Variants in CLNK observed in about 807,000 individuals in gnomAD.
CLNK encodes the protein cytokine dependent hematopoietic cell linker.
Under a neutral mutation model 68.6 loss-of-function variants are expected in CLNK, and 74 were observed. The ratio of observed to expected loss-of-function variants is 1.08; its 90% CI spans 0.89 to 1.31. CLNK has a LOEUF of 1.31. Among genes scored for constraint, CLNK ranks in the 50% most tolerant of loss-of-function variants. The probability of loss-of-function intolerance (pLI) is 0.00; values close to 1 mark genes in which losing one functional copy is unlikely to be tolerated. For synonymous variants in CLNK, 198 were observed against 172.2 expected (o/e 1.15, Z -1.17); for missense variants, 553 against 515.3 (o/e 1.07, Z -0.71).
At chr4:10,576,201 A>AC (rs1268435615) in intron 4 of CLNK, among the ~76,000 whole-genome samples, 4 of 152,148 alleles carry the variant, frequency 2.6e-5, no homozygotes, top group African/African-American at 4.8e-5. Flanking sequence ...CCCCTCATGG[A>AC]CCCAGATCCC....
At chr4:10,724,602 A>C in the CLNK span, among the ~76,000 whole-genome samples, 56 of 152,164 alleles carry the variant, frequency 3.7e-4, 1 homozygote, top group Middle Eastern at 0.014. Flanking sequence ...GTATGTGTCC[A>C]AGGTCGTGTG....
the CLNK span, among the ~76,000 whole-genome samples, chr4:10,734,484 G>A: frequency 7.2e-5 from 11 of 152,112 alleles, no homozygotes; most frequent in Non-Finnish European, 1.5e-4. Flanking sequence ...TGTCCTTTTC[G>A]TGATTGAGGG....
At chr4:10,632,135 C>T (rs1005864551) in intron 2 of CLNK, among the ~76,000 whole-genome samples, 1 of 152,208 alleles carries the variant, frequency 6.6e-6, no homozygotes, top group African/African-American at 2.4e-5. Flanking sequence ...ACTCCATCTT[C>T]CCAGACTTCC....
At chr4:10,724,765 C>T in the CLNK span, among the ~76,000 whole-genome samples, 1 of 152,214 alleles carries the variant, frequency 6.6e-6, no homozygotes, top group East Asian at 1.9e-4. Flanking sequence ...GGAGCAGGTA[C>T]AGCCTGGGGC....
intron 18 of CLNK, among the ~76,000 whole-genome samples, chr4:10,499,613 G>T (rs986629501): frequency 6.6e-6 from 1 of 152,326 alleles, no homozygotes; most frequent in East Asian, 1.9e-4. Context: ...AGAACAATCG[G>T]TATCTGTGTG....
intron 11 of CLNK, among the ~76,000 whole-genome samples, chr4:10,538,179 G>A (rs777381244): frequency 2.6e-5 from 4 of 152,044 alleles, no homozygotes; most frequent in African/African-American, 7.2e-5. Context: ...TCTGTCGCTG[G>A]AGTGCAGTGG....
intron 4 of CLNK, among the ~76,000 whole-genome samples, chr4:10,580,325 A>T (rs372762933): frequency 1.3e-5 from 2 of 152,224 alleles, no homozygotes; most frequent in African/African-American, 4.8e-5. Context: ...CTTCTTAATG[A>T]TAAAATAACT....
the CLNK span, among the ~76,000 whole-genome samples, chr4:10,724,184 A>G: frequency 6.6e-6 from 1 of 152,166 alleles, no homozygotes; most frequent in African/African-American, 2.4e-5. Flanking sequence ...TACAAATATA[A>G]TGTATGTATG....
At chr4:10,617,952 T>C (rs1373604112) in intron 2 of CLNK, among the ~76,000 whole-genome samples, 1 of 152,204 alleles carries the variant, frequency 6.6e-6, no homozygotes, top group Non-Finnish European at 1.5e-5. Context: ...AATGAGCTTC[T>C]ACAAAAGAAT....
the CLNK span, among the ~76,000 whole-genome samples, chr4:10,715,866 G>A: frequency 6.6e-6 from 1 of 152,118 alleles, no homozygotes; most frequent in African/African-American, 2.4e-5. Flanking sequence ...TAGGGATGTG[G>A]GGCCTGCAGA....
the CLNK span, among the ~76,000 whole-genome samples, chr4:10,721,983 C>T: frequency 6.6e-6 from 1 of 152,060 alleles, no homozygotes; most frequent in African/African-American, 2.4e-5. Context: ...TTGAGACCAT[C>T]GTGGGAAGCA....
intron 8 of CLNK, among the ~76,000 whole-genome samples, chr4:10,543,458 T>C (rs1719114133): frequency 6.6e-6 from 1 of 152,204 alleles, no homozygotes; most frequent in African/African-American, 2.4e-5. Context: ...ACAAGGAGGT[T>C]GGACTAAATC....
chr4:10,490,467 C>A lies in CLNK; in HGVS notation c.1287G>T (p.Ter429TyrextTer72), dbSNP rs1167142040. The change falls in exon 19 of 19, where the codon TAG (stop) becomes TAT (tyrosine). Residue 429 changes from the stop codon to tyrosine (Y), a stop_lost. Coordinates refer to ENST00000226951, the MANE Select transcript of CLNK (RefSeq NM_052964.4). ...LPLTRHLLPL[*>Y] The stretch of plus-strand genomic sequence containing the variant: ...AACCAAAGATAACACAAAGACCAGG[C>A]TACAGAGGCAAGAGGTGTCTGGTGA... 1.2e-6 allele frequency: 2 copies of A among 1,613,034 alleles called. No homozygotes were observed. Among genetic ancestry groups the A allele is most frequent in the Admixed American group, 1.7e-5 (1 of 59,898 alleles).
rs529462372 is a variant in CLNK, at chr4:10,649,967, T to A, written c.11+17892A>T. On this transcript the variant is annotated intron_variant, in intron 2 of 18. Coordinates refer to ENST00000226951, the MANE Select transcript of CLNK (RefSeq NM_052964.4). ...CAGGATTAGCTGTTCAGTCTAGATA[T>A]TAAAACTAGTGGACAAATGTTACAG... is the stretch of plus-strand genomic sequence containing the variant. Among the ~76,000 whole-genome samples, 16 of 152,210 alleles carry A rather than the reference T, an allele frequency of 1.1e-4. No homozygotes were observed. The South Asian group carries it at 3.3e-3, about 32-fold the overall frequency.
At chr4:10,615,799 T>C (rs1340065325) in intron 2 of CLNK, among the ~76,000 whole-genome samples, 1 of 152,182 alleles carries the variant, frequency 6.6e-6, no homozygotes, top group Non-Finnish European at 1.5e-5. Context: ...TTTTCCAAGG[T>C]CAACTAGTCA....
chr4:10,518,088 G>C (rs1305925118), intron 15 of CLNK, among the ~76,000 whole-genome samples: 2 of 152,044 alleles, frequency 1.3e-5, no homozygotes, highest in African/African-American at 4.8e-5. Flanking sequence ...ATGGAGAATG[G>C]AGGGTCAAGG....
intron 15 of CLNK, among the ~76,000 whole-genome samples, chr4:10,517,749 G>A (rs1213494859): frequency 6.6e-6 from 1 of 152,144 alleles, no homozygotes; most frequent in East Asian, 1.9e-4. Context: ...AACCTTCAGT[G>A]CCTTGCTTGG....
chr4:10,684,235 A>G (rs1183512182), intron 1 of CLNK, among the ~76,000 whole-genome samples: 2 of 152,146 alleles, frequency 1.3e-5, no homozygotes, highest in Non-Finnish European at 2.9e-5. Flanking sequence ...ACTTTAGAAA[A>G]TGTTAAAAAT....
At chr4:10,576,261 C>T (rs1577140916) in intron 4 of CLNK, among the ~76,000 whole-genome samples, 1 of 152,174 alleles carries the variant, frequency 6.6e-6, no homozygotes, top group African/African-American at 2.4e-5. Flanking sequence ...TCTTCCTGGA[C>T]CTGAAAGACA....
Sources: allele counts gnomAD v4.1 joint callset (sites outside exome capture counted in the v4.1 genomes callset), GRCh38; gene constraint gnomAD v4.1.1; transcripts MANE v1.5; gene names NCBI Gene and HGNC (gene_info 2026-07-23, HGNC 2026-07-21).